ASPM: variants seen among roughly 807,000 people sequenced by gnomAD.
The protein encoded by ASPM is abnormal spindle-like microcephaly-associated protein.
In ASPM, 256 loss-of-function variants were observed where a neutral mutation model predicts 366.4. The ratio of observed to expected loss-of-function variants is 0.70; its 90% confidence interval spans 0.63 to 0.77. ASPM has a LOEUF of 0.77. ASPM is among the 30% of genes least tolerant of loss of function. The pLI is 0.00. For missense variants in ASPM, 4,146 were observed against 4,090.4 expected (o/e 1.01, Z -0.37); for synonymous variants, 1,414 against 1,342.9 (o/e 1.05, Z -1.16).
Position 197,084,271 on chromosome 1 carries a change from T to G in ASPM, c.*53A>C. On this transcript the variant is annotated 3_prime_UTR_variant, in exon 28 of 28. Coordinates refer to ENST00000367409, the MANE Select transcript of ASPM (RefSeq NM_018136.5). ...GAGCAAAAATCACTTTACGTACTCA[T>G]GATTGGCTTTAATATTTCTTTACAC... The G allele has an allele frequency of 7.4e-7, 1 of 1,355,792 alleles. No homozygotes were observed. Among genetic ancestry groups the G allele is most frequent in the Non-Finnish European group, 1.1e-6 (1 of 947,966 alleles). The allele number at this position is 1,355,792 out of a possible 1,614,324, so 84.0% of individuals were successfully genotyped here.
intron 10 of ASPM, among the ~76,000 whole-genome samples, chr1:197,126,136 A>G (rs1397344383): frequency 3.3e-5 from 5 of 152,148 alleles, no homozygotes; most frequent in African/African-American, 1.2e-4. Flanking sequence ...TAACTCCTGT[A>G]AAAGCATAAA....
At chr1:197,134,997 A>T in intron 5 of ASPM, 99 bp downstream of exon 5, 1 of 961,530 alleles carries the variant, frequency 1.0e-6, no homozygotes, top group Non-Finnish European at 1.6e-6. Context: ...TTATGCCATT[A>T]ATTATAATAA....
At chr1:197,126,831 T>C (rs1312653767) in intron 10 of ASPM, among the ~76,000 whole-genome samples, 2 of 152,208 alleles carry the variant, frequency 1.3e-5, no homozygotes, top group Non-Finnish European at 2.9e-5. Context: ...CTTGTCCTCA[T>C]AAATGTCAAA....
At chr1:197,130,122 G>A in intron 7 of ASPM, 66 bp from the exon 8 acceptor site, 1 of 1,529,936 alleles carries the variant, frequency 6.5e-7, no homozygotes, top group Non-Finnish European at 9.0e-7. Context: ...AAGTGACTGA[G>A]GAATGGCAGA....
intron 16 of ASPM, among the ~76,000 whole-genome samples, chr1:197,120,341 G>A (rs1479140007): frequency 6.6e-6 from 1 of 152,030 alleles, no homozygotes; most frequent in Non-Finnish European, 1.5e-5. Context: ...ACCAGCCTAG[G>A]CAATGGGGTG....
intron 23 of ASPM, 59 bp downstream of exon 23, chr1:197,090,791 A>G: frequency 6.8e-7 from 1 of 1,464,708 alleles, no homozygotes; most frequent in East Asian, 2.3e-5. Context: ...AGTGTTAGAT[A>G]TCATGTAGAT....
Position 197,105,135 on chromosome 1 carries a change from A to G in ASPM, c.4116T>C (p.Tyr1372=), listed in dbSNP as rs1657370986. 2 of 1,609,266 alleles carry G rather than the reference A, an allele frequency of 1.2e-6. No individual in the cohort carries two copies. The highest frequency in any genetic ancestry group is 1.3e-5 in the African/African-American group (1 of 74,744). ...TCCTAGATTGCAGGATGATTGAATA[A>G]TATTTCAATTTCAGAAATCTTTGTC... ...STRQRFLKLK[Y]YSIILQSRIR... The change falls in exon 18 of 28, where the codon TAT becomes TAC. Residue 1372 remains tyrosine (Y), a synonymous_variant. Transcript: ENST00000367409.
chr1:197,116,436 A>AAACAC (rs1657739223), intron 17 of ASPM, among the ~76,000 whole-genome samples: 1 of 152,200 alleles, frequency 6.6e-6, no homozygotes, highest in Admixed American at 6.6e-5. Flanking sequence ...ACTATGACAC[A>AAACAC]AACACAAAGT....
chr1:197,129,615 T>C (rs1302548527), intron 8 of ASPM, among the ~76,000 whole-genome samples: 1 of 152,140 alleles, frequency 6.6e-6, no homozygotes, highest in Non-Finnish European at 1.5e-5. Context: ...AATGAACACC[T>C]ACTACATGCA....
At chr1:197,096,612 C>T (rs777357020) in intron 18 of ASPM, among the ~76,000 whole-genome samples, 1 of 151,770 alleles carries the variant, frequency 6.6e-6, no homozygotes, top group Non-Finnish European at 1.5e-5. Context: ...CAGGAGAATC[C>T]TGAGAGCTCC....
chr1:197,097,567 T>C (rs998716987), intron 18 of ASPM, among the ~76,000 whole-genome samples: 3 of 151,810 alleles, frequency 2.0e-5, no homozygotes, highest in Admixed American at 6.6e-5. Flanking sequence ...TAATTATATA[T>C]GGCCAAAATT....
Position 197,129,170 on chromosome 1 carries a change from T to C in ASPM, c.2760+17A>G, listed in dbSNP as rs1357197964. On this transcript the variant is annotated intron_variant, in intron 9 of 27. Transcript: ENST00000367409. ...AATGGGAAATATAAAATATAAAGCA[T>C]ACAATGAAAAGCATACCTTGAATTC... is the stretch of plus-strand genomic sequence containing the variant. The C allele has an allele frequency of 1.9e-6, 3 of 1,608,166 alleles. No individual in the cohort carries two copies. Among genetic ancestry groups the C allele is most frequent in the South Asian group, 1.1e-5 (1 of 90,582 alleles).
Position 197,122,604 on chromosome 1 carries a change from A to G in ASPM, c.3391-9T>C. On this transcript the variant is annotated splice_polypyrimidine_tract_variant and intron_variant, in intron 13 of 27. Transcript: ENST00000367409. ...ACTGTAAAATTCTCCACCTGATTGA[A>G]AATGCCAGAAAAACAATTAACCGCA... 1.3e-6 allele frequency: 2 copies of G among 1,587,096 alleles called. No individual in the cohort carries two copies. The highest frequency in any genetic ancestry group is 1.7e-6 in the Non-Finnish European group (2 of 1,163,840).
In ASPM at chr1:197,102,386, C is replaced by A. The variant is rs751997843; in HGVS notation, c.6865G>T (p.Ala2289Ser). 1.4e-5 allele frequency: 23 copies of A among 1,612,658 alleles called. No individual in the cohort carries two copies. Among genetic ancestry groups the A allele is most frequent in the African/African-American group, 5.3e-5 (4 of 74,790 alleles). Residue 2289 changes from alanine (A) to serine (S), a missense_variant, in exon 18 of 28, where the codon GCT becomes TCT. Physicochemically the swap from Ala to Ser is moderately conservative, Grantham distance 99. Around this residue, in one of 3 missense-constraint regions of ASPM, gnomAD observed 3,624 missense variants for 3,591.7 expected, o/e 1.01. Coordinates refer to ENST00000367409, the MANE Select transcript of ASPM (RefSeq NM_018136.5). Reference sequence around the variant, plus strand: ...CGATATTTTCTCTGAATCAAAATAGCAGTTTTCTTGAGAGAGAGGAATCTT... The same window carrying A: ...CGATATTTTCTCTGAATCAAAATAGAAGTTTTCTTGAGAGAGAGGAATCTT... ...RRRFLSLKKT[A>S]ILIQRKYRAH...
At chr1:197,123,857 G>A (rs1343177447) in intron 13 of ASPM, among the ~76,000 whole-genome samples, 1 of 152,024 alleles carries the variant, frequency 6.6e-6, no homozygotes, top group Non-Finnish European at 1.5e-5. Context: ...CCAGTTCTAT[G>A]CAAGCATCTT....
chr1:197,140,338 A>G lies in ASPM; in HGVS notation c.1922-467T>C, dbSNP rs564750666. 7.2e-5 allele frequency among the ~76,000 whole-genome samples: 11 copies of G among 152,380 alleles called. No homozygotes were observed. The South Asian group carries it at 2.1e-3, about 29-fold the overall frequency. On this transcript the variant is annotated intron_variant, in intron 3 of 27. Transcript: ENST00000367409. ...GTTGCCAGAACTGCAATAAGGATGAAGCAAAGAATACACGTAGGAAATGAC... is the reference window on the plus strand; with the variant it reads ...GTTGCCAGAACTGCAATAAGGATGAGGCAAAGAATACACGTAGGAAATGAC...
intron 17 of ASPM, among the ~76,000 whole-genome samples, chr1:197,112,595 C>G (rs182323857): frequency 9.7e-4 from 148 of 152,226 alleles, no homozygotes; most frequent in Non-Finnish European, 1.6e-3. Context: ...CCTGTGCTCA[C>G]TGAGGTAAAT....
Position 197,104,507 on chromosome 1 carries a change from G to T in ASPM, c.4744C>A (p.Leu1582Ile), listed in dbSNP as rs780235694. The part of the protein sequence containing the change: ...MRQDRVRFLN[L>I]KKTIIKFQAH... ...TGAAATTTGATAATAGTCTTCTTAA[G>T]GTTTAAAAATCGAACTCTGTCTTGT... Residue 1582 changes from leucine (L) to isoleucine (I), a missense_variant, in exon 18 of 28, where the codon CTT becomes ATT. This residue lies in a region of ASPM where 3,624 missense variants were observed against 3,591.7 expected (regional missense o/e 1.01). Transcript: ENST00000367409. 1 of 1,612,316 alleles carries T rather than the reference G, an allele frequency of 6.2e-7. No homozygotes were observed. Among genetic ancestry groups the T allele is most frequent in the South Asian group, 1.1e-5 (1 of 91,038 alleles).
At position 197,090,239 on chromosome 1, in the gene ASPM, T is replaced by C; in HGVS notation, c.9786A>G (p.Thr3262=). The change falls in exon 24 of 28, where the codon ACA becomes ACG. Residue 3262 remains threonine (T), a synonymous_variant. Coordinates refer to ENST00000367409, the MANE Select transcript of ASPM (RefSeq NM_018136.5). ...RTALALHYLL[T]YKHLSAILEA... ...CAAGAATGGCAGAAAGGTGCTTATA[T>C]GTCAAAAGGTAATGAAGTGCAAGTG... is the stretch of plus-strand genomic sequence containing the variant. 2 of 1,613,620 alleles carry C rather than the reference T, an allele frequency of 1.2e-6. No homozygotes were observed. The highest frequency in any genetic ancestry group is 2.7e-5 in the African/African-American group (2 of 75,030).
Sources: gnomAD v4.1 joint callset for allele counts (sites outside exome capture counted in the v4.1 genomes callset) on GRCh38, gnomAD v4.1.1 for gene constraint, gnomAD v4.1.1 regional missense constraint, MANE v1.5 for transcripts, NCBI Gene and HGNC (gene_info 2026-07-23, HGNC 2026-07-21) for gene names.